Variants in DPY19L2 observed in about 807,000 individuals in gnomAD.
The protein encoded by DPY19L2 is probable C-mannosyltransferase DPY19L2.
DPY19L2 carries 34 observed loss-of-function variants against 97.9 expected under a neutral mutation model. The observed-to-expected ratio is 0.35, with a 90% CI of 0.26 to 0.46. The LOEUF (loss-of-function observed/expected upper bound fraction) is 0.46, where lower values mean the gene tolerates loss of function less well. DPY19L2 is among the 20% of genes least tolerant of loss of function. The pLI, the probability that DPY19L2 is intolerant of heterozygous loss-of-function variation, is 1.00. For synonymous variants in DPY19L2, 230 were observed against 307.9 expected, an observed-to-expected ratio of 0.75 and a Z score of 2.65; for missense variants, 623 against 911.4, an observed-to-expected ratio of 0.68 and a Z score of 4.07.
rs1307216082 is a variant in DPY19L2 at position 63,559,399 on chromosome 12, T to A, written c.*1113A>T. ...TTAAAGTAGATGCACATTAAAATAC[T>A]ATAGATCTGGCATATTTCATATTTA... is the stretch of plus-strand genomic sequence containing the variant. On this transcript the variant is annotated 3_prime_UTR_variant, in exon 22 of 22. Coordinates refer to ENST00000324472, the MANE Select transcript of DPY19L2 (RefSeq NM_173812.5). 1 of 152,436 alleles carries A rather than the reference T, an allele frequency of 6.6e-6. No homozygotes were observed. Among genetic ancestry groups the A allele is most frequent in the Non-Finnish European group, 1.5e-5 (1 of 68,016 alleles). The allele number at this position is 152,436 out of a possible 1,614,324, so 9.4% of individuals were successfully genotyped here. A position where few individuals can be genotyped will look rare whatever the true frequency, so the allele number is the denominator to read the frequency against.
chr12:63,587,337 CAG>C (rs1163874135), intron 16 of DPY19L2, among the ~76,000 whole-genome samples: 1 of 151,696 alleles, frequency 6.6e-6, no homozygotes, highest in East Asian at 1.9e-4. Flanking sequence ...TCTAAGAAAA[CAG>C]ATAAAGTAGA....
At chr12:63,562,221 A>G (rs1592353235) in intron 21 of DPY19L2, among the ~76,000 whole-genome samples, 1 of 152,244 alleles carries the variant, frequency 6.6e-6, no homozygotes, top group East Asian at 1.9e-4. Context: ...AAAATCATGA[A>G]CATATCCATC....
At position 63,610,841 on chromosome 12, in the gene DPY19L2, C is replaced by CAAAAAA. The variant is rs56044043; in HGVS notation, c.1219-2172_1219-2167dup. On this transcript the variant is annotated intron_variant, in intron 11 of 21. Transcript: ENST00000324472. ...AGGCCAGTACCTCTGATGAATATAG[C>CAAAAAA]AAAAAAAAAAAAAAAAAAAAAAAAA... 3.3e-3 allele frequency among the ~76,000 whole-genome samples: 36 copies of CAAAAAA among 10,774 alleles called. 8 individuals are homozygous for CAAAAAA. The highest frequency in any genetic ancestry group is 4.0e-3 in the East Asian group (1 of 252). 7.1% of individuals were successfully genotyped at this position (10,774 alleles called of 152,430 possible).
rs1217893321 is a variant in DPY19L2, at chr12:63,661,365, T to G, written c.567A>C (p.Lys189Asn). The G allele has an allele frequency of 1.3e-6, 2 of 1,586,608 alleles. No individual in the cohort carries two copies. The highest frequency in any genetic ancestry group is 1.7e-6 in the Non-Finnish European group (2 of 1,172,562). Reference protein sequence around the residue: ...TEYPLIINAIKRFHLYPEVII... With the variant: ...TEYPLIINAINRFHLYPEVII... The stretch of plus-strand genomic sequence containing the variant: ...TCACCTCTGGATAAAGATGGAAGCG[T>G]TTTATTGCATTAATTATAAGAGGAT... Residue 189 changes from lysine (K) to asparagine (N), a missense_variant, in exon 4 of 22, where the codon AAA becomes AAC. This residue lies in a region of DPY19L2 where 84 missense variants were observed against 125.4 expected (regional missense o/e 0.67). Transcript: ENST00000324472.
chr12:63,657,334 T>C (rs1307406904), intron 4 of DPY19L2, among the ~76,000 whole-genome samples: 1 of 152,186 alleles, frequency 6.6e-6, no homozygotes, highest in African/African-American at 2.4e-5. Context: ...TGGGTTTTCC[T>C]TTGTGCTGCT....
At chr12:63,571,405 T>C (rs1383865761) in intron 19 of DPY19L2, among the ~76,000 whole-genome samples, 1 of 152,158 alleles carries the variant, frequency 6.6e-6, no homozygotes, top group African/African-American at 2.4e-5. Context: ...GCTGCTTCAC[T>C]CAAGCTTCCT....
intron 3 of DPY19L2, among the ~76,000 whole-genome samples, chr12:63,661,957 A>G (rs1387133682): frequency 1.3e-5 from 2 of 152,164 alleles, no homozygotes; most frequent in Non-Finnish European, 2.9e-5. Flanking sequence ...TGAGCAAGGA[A>G]TCCAGTGCTT....
rs1427587754 is a variant in DPY19L2 at position 63,646,329 on chromosome 12, T to C, written c.709+916A>G. On this transcript the variant is annotated intron_variant, in intron 5 of 21. Coordinates refer to ENST00000324472, the MANE Select transcript of DPY19L2 (RefSeq NM_173812.5). Reference sequence around the variant, plus strand: ...TCACACCTTCCAGCTGATTGAATCATTGCAAAGTCTTTCATTTTATGAGGC... The same window carrying C: ...TCACACCTTCCAGCTGATTGAATCACTGCAAAGTCTTTCATTTTATGAGGC... 3.3e-5 allele frequency among the ~76,000 whole-genome samples: 5 copies of C among 152,180 alleles called. No homozygotes were observed. In the South Asian group the frequency reaches 8.3e-4, roughly 25 times the overall value.
At chr12:63,656,176 T>A (rs934831598) in intron 4 of DPY19L2, among the ~76,000 whole-genome samples, 7 of 152,172 alleles carry the variant, frequency 4.6e-5, no homozygotes, top group African/African-American at 1.7e-4. Flanking sequence ...GCTTTCTACA[T>A]CCAAGGGAAA....
intron 7 of DPY19L2, among the ~76,000 whole-genome samples, chr12:63,625,213 T>C (rs1430277640): frequency 6.6e-6 from 1 of 151,968 alleles, no homozygotes; most frequent in African/African-American, 2.4e-5. Context: ...CTGGCCAACA[T>C]GGTGAAACTC....
intron 16 of DPY19L2, among the ~76,000 whole-genome samples, chr12:63,584,789 T>C (rs1881498924): frequency 1.3e-5 from 2 of 152,232 alleles, no homozygotes; most frequent in South Asian, 2.1e-4. Flanking sequence ...TGTAAAGTGC[T>C]TTCTTTAAGA....
At chr12:63,615,335 G>A (rs1887661162) in intron 11 of DPY19L2, among the ~76,000 whole-genome samples, 1 of 152,072 alleles carries the variant, frequency 6.6e-6, no homozygotes, top group Non-Finnish European at 1.5e-5. Flanking sequence ...ATTAGAATGT[G>A]ACCACTTTGC....
intron 6 of DPY19L2, among the ~76,000 whole-genome samples, chr12:63,630,814 G>A: frequency 6.6e-6 from 1 of 152,094 alleles, no homozygotes; most frequent in Non-Finnish European, 1.5e-5. Context: ...CACATAGTTG[G>A]AAGTAAAGCA....
intron 16 of DPY19L2, among the ~76,000 whole-genome samples, chr12:63,592,294 A>G (rs915297523): frequency 7.3e-5 from 11 of 151,408 alleles, no homozygotes; most frequent in Admixed American, 4.6e-4. Context: ...ACTACTTTCA[A>G]GTTCATATGG....
At chr12:63,576,248 T>G (rs1879796191) in intron 19 of DPY19L2, among the ~76,000 whole-genome samples, 1 of 151,956 alleles carries the variant, frequency 6.6e-6, no homozygotes. Context: ...CAACATACCT[T>G]CATGATAAAA....
At chr12:63,655,054 GA>G (rs34393231) in intron 4 of DPY19L2, among the ~76,000 whole-genome samples, 1 of 152,042 alleles carries the variant, frequency 6.6e-6, no homozygotes, top group African/African-American at 2.4e-5. Context: ...TACAGACTGG[GA>G]AAATATGTTT....
intron 11 of DPY19L2, among the ~76,000 whole-genome samples, chr12:63,612,603 TAA>T (rs61376652): frequency 7.5e-6 from 1 of 133,984 alleles, no homozygotes; most frequent in Non-Finnish European, 1.6e-5. Context: ...TTTATACCTT[TAA>T]AAAAAAAAAA....
intron 9 of DPY19L2, 127 bp from the exon 10 acceptor site, chr12:63,618,355 A>C (rs1888165344): frequency 2.8e-6 from 1 of 363,474 alleles, no homozygotes; most frequent in Non-Finnish European, 4.9e-6. Flanking sequence ...AATTTGAACC[A>C]ACCTTCCCAC....
chr12:63,646,256 T>C (rs778088507), intron 5 of DPY19L2, among the ~76,000 whole-genome samples: 1 of 152,144 alleles, frequency 6.6e-6, no homozygotes, highest in African/African-American at 2.4e-5. Context: ...TTATTGGGAA[T>C]GTAACTAATA....
Sources: allele counts gnomAD v4.1 joint callset (sites outside exome capture counted in the v4.1 genomes callset), GRCh38; gene constraint gnomAD v4.1.1; regional missense constraint gnomAD v4.1.1; transcripts MANE v1.5; gene names NCBI Gene and HGNC (gene_info 2026-07-23, HGNC 2026-07-21).